EYS: variants seen among roughly 807,000 people sequenced by gnomAD.
EYS encodes the protein protein eyes shut homolog.
In EYS, 250 loss-of-function variants were observed where a neutral mutation model predicts 282.1. The observed-to-expected ratio is 0.89, with a 90% CI of 0.80 to 0.98. The LOEUF is 0.98. Ranked by LOEUF, EYS falls within the 50% of genes least tolerant of loss-of-function variation. The probability of loss-of-function intolerance (pLI) is 0.00; values close to 1 mark genes in which losing one functional copy is unlikely to be tolerated. For missense variants in EYS, 4,016 were observed against 3,709.0 expected, an observed-to-expected ratio of 1.08 and a Z score of -2.15; for synonymous variants, 1,355 against 1,282.9, an observed-to-expected ratio of 1.06 and a Z score of -1.20.
chr6:63,789,369 T>C (rs1459698770), intron 37 of EYS, 145 bp from the exon 38 acceptor site: 2 of 743,404 alleles, frequency 2.7e-6, no homozygotes, highest in African/African-American at 1.8e-5. Context: ...TTTAGGTATA[T>C]GTGCAACTGG....
intron 12 of EYS, among the ~76,000 whole-genome samples, chr6:65,233,730 C>G (rs989220644): frequency 2.0e-5 from 3 of 152,224 alleles, no homozygotes; most frequent in Admixed American, 6.5e-5. Context: ...GTTATTTTAT[C>G]TTTACGTTTA....
rs1476462795 is a variant in EYS, at chr6:65,510,683, C to T, written c.-332-14690G>A. On this transcript the variant is annotated intron_variant, in intron 2 of 42. Coordinates refer to ENST00000503581, the MANE Select transcript of EYS (RefSeq NM_001142800.2). The stretch of plus-strand genomic sequence containing the variant: ...ACCTTATTTTTGGTATGTTTTTCTC[C>T]CACAAATCCTTATCTCTATTGTTAA... Among the ~76,000 whole-genome samples, 13 of 151,916 alleles carry T rather than the reference C, an allele frequency of 8.6e-5. No individual in the cohort carries two copies. The South Asian group carries it at 2.3e-3, about 27-fold the overall frequency.
chr6:63,880,267 A>T (rs1021628304), intron 35 of EYS, among the ~76,000 whole-genome samples: 1 of 152,184 alleles, frequency 6.6e-6, no homozygotes, highest in Non-Finnish European at 1.5e-5. Flanking sequence ...TCAGGCAGCA[A>T]AAATGGCCTA....
At chr6:64,551,236 T>C (rs9451973) in intron 26 of EYS, among the ~76,000 whole-genome samples, 1,865 of 149,656 alleles carry the variant, frequency 0.012, 40 homozygotes, top group African/African-American at 0.042. Context: ...ATGCAGTAAC[T>C]TCCTAATAAG....
chr6:64,055,337 C>G (rs1770946747), intron 33 of EYS, among the ~76,000 whole-genome samples: 1 of 151,898 alleles, frequency 6.6e-6, no homozygotes, highest in South Asian at 2.1e-4. Context: ...ATAATACTTT[C>G]GTTTGAGGGA....
intron 22 of EYS, among the ~76,000 whole-genome samples, chr6:64,672,800 C>A (rs140959077): frequency 1.5e-3 from 226 of 152,214 alleles, no homozygotes; most frequent in African/African-American, 5.1e-3. Context: ...AGTAATTTAA[C>A]TTTTCTGGTT....
intron 19 of EYS, among the ~76,000 whole-genome samples, chr6:64,830,630 CT>C (rs2150027758): frequency 6.6e-6 from 1 of 151,988 alleles, no homozygotes; most frequent in East Asian, 2.0e-4. Context: ...CCAAGATCAA[CT>C]TTGGTGACAG....
At chr6:64,460,593 AT>A (rs2150484753) in intron 26 of EYS, among the ~76,000 whole-genome samples, 1 of 152,334 alleles carries the variant, frequency 6.6e-6, no homozygotes, top group African/African-American at 2.4e-5. Flanking sequence ...AGAATTATAC[AT>A]TCTTTGTATT....
intron 21 of EYS, among the ~76,000 whole-genome samples, chr6:64,816,757 G>A (rs1764751600): frequency 6.6e-6 from 1 of 152,002 alleles, no homozygotes; most frequent in African/African-American, 2.4e-5. Flanking sequence ...GCAAGAGGGG[G>A]TCTTAAAAGT....
intron 22 of EYS, among the ~76,000 whole-genome samples, chr6:64,657,741 C>A (rs1246372834): frequency 4.6e-5 from 7 of 152,178 alleles, no homozygotes; most frequent in Non-Finnish European, 8.8e-5. Flanking sequence ...GTCTGATGGG[C>A]TTCCCCTTGT....
At chr6:64,505,383 G>A (rs974684120) in intron 26 of EYS, among the ~76,000 whole-genome samples, 22 of 152,120 alleles carry the variant, frequency 1.4e-4, no homozygotes, top group Non-Finnish European at 2.5e-4. Flanking sequence ...AATATGTTGA[G>A]TGTAAATGAA....
At chr6:64,444,382 C>T (rs1775052786) in intron 26 of EYS, among the ~76,000 whole-genome samples, 1 of 152,014 alleles carries the variant, frequency 6.6e-6, no homozygotes, top group Admixed American at 6.6e-5. Context: ...TACCATTTTT[C>T]ACAACATTTC....
chr6:64,776,485 A>G (rs1030915896), intron 22 of EYS, among the ~76,000 whole-genome samples: 12 of 152,070 alleles, frequency 7.9e-5, no homozygotes, highest in Non-Finnish European at 1.8e-4. Context: ...TGCTATTTAA[A>G]TATATTCTCT....
chr6:64,844,436 A>T (rs1325614049), intron 19 of EYS, among the ~76,000 whole-genome samples: 1 of 151,774 alleles, frequency 6.6e-6, no homozygotes. Context: ...TATTTTCCAA[A>T]TATACCAATC....
chr6:64,233,854 AAC>A (rs1206191902), intron 30 of EYS, among the ~76,000 whole-genome samples: 1 of 152,186 alleles, frequency 6.6e-6, no homozygotes, highest in Admixed American at 6.5e-5. Context: ...ACAGGAAAGG[AAC>A]ACACACTACT....
chr6:65,558,677 C>T (rs1271619311), intron 2 of EYS, among the ~76,000 whole-genome samples: 1 of 152,212 alleles, frequency 6.6e-6, no homozygotes, highest in Admixed American at 6.5e-5. Context: ...AGAAACACAA[C>T]TTCGGATATA....
At chr6:64,461,431 A>G (rs932326426) in intron 26 of EYS, among the ~76,000 whole-genome samples, 4 of 152,190 alleles carry the variant, frequency 2.6e-5, no homozygotes, top group Admixed American at 6.5e-5. Flanking sequence ...AAAAACTGCA[A>G]TTCCCAACAT....
At chr6:64,416,078 T>C (rs1774050411) in intron 28 of EYS, among the ~76,000 whole-genome samples, 1 of 152,144 alleles carries the variant, frequency 6.6e-6, no homozygotes, top group Non-Finnish European at 1.5e-5. Context: ...CCTAGAAAAC[T>C]GAATTGGAGG....
At chr6:64,588,343 C>T (rs1209012120) in intron 26 of EYS, among the ~76,000 whole-genome samples, 3 of 152,094 alleles carry the variant, frequency 2.0e-5, no homozygotes, top group Admixed American at 1.3e-4. Flanking sequence ...TCCCGATCTT[C>T]TTTCCACCCT....
Sources: gnomAD v4.1 joint callset for allele counts (sites outside exome capture counted in the v4.1 genomes callset) on GRCh38, gnomAD v4.1.1 for gene constraint, MANE v1.5 for transcripts, NCBI Gene and HGNC (gene_info 2026-07-23, HGNC 2026-07-21) for gene names.